Variants in TNFRSF10D observed in about 807,000 individuals in gnomAD.
The protein encoded by TNFRSF10D is tumor necrosis factor receptor superfamily member 10D.
In TNFRSF10D, 28 loss-of-function variants were observed where a neutral mutation model predicts 42.1. The observed-to-expected ratio is 0.66, with a 90% CI of 0.49 to 0.91. The LOEUF is 0.91. TNFRSF10D is among the 40% of genes least tolerant of loss of function. The pLI is 0.00. For synonymous variants in TNFRSF10D, 186 were observed against 189.4 expected, an observed-to-expected ratio of 0.98 and a Z score of 0.15; for missense variants, 503 against 486.1, an observed-to-expected ratio of 1.03 and a Z score of -0.33.
chr8:23,141,292 G>A (rs953143565), intron 7 of TNFRSF10D, among the ~76,000 whole-genome samples: 61 of 152,088 alleles, frequency 4.0e-4, no homozygotes, highest in African/African-American at 1.4e-3. Context: ...ATCACCTGAG[G>A]TTAGGAGTTC....
At chr8:23,161,619 TCTA>T (rs1307343688) in intron 1 of TNFRSF10D, among the ~76,000 whole-genome samples, 1 of 152,338 alleles carries the variant, frequency 6.6e-6, no homozygotes, top group South Asian at 2.1e-4. Flanking sequence ...CCCCCGGTCA[TCTA>T]CTCCCACTAC....
chr8:23,149,014 C>T (rs1239893015), intron 2 of TNFRSF10D, among the ~76,000 whole-genome samples: 1 of 151,268 alleles, frequency 6.6e-6, no homozygotes, highest in South Asian at 2.1e-4. Context: ...CACAGTGAAA[C>T]CCCATCTCTA....
chr8:23,158,139 G>A (rs776163556), intron 1 of TNFRSF10D, among the ~76,000 whole-genome samples: 4 of 151,248 alleles, frequency 2.6e-5, no homozygotes, highest in South Asian at 2.1e-4. Flanking sequence ...TTTTCTTTCC[G>A]TTCCTTCCTT....
chr8:23,144,909 TC>T lies in TNFRSF10D; in HGVS notation c.768+148del, dbSNP rs113394561. On this transcript the variant is annotated intron_variant, in intron 6 of 8. Coordinates refer to ENST00000312584, the MANE Select transcript of TNFRSF10D (RefSeq NM_003840.5). ...GTGTGCTGCTCAAAATGGCCGTGTG[TC>T]CCCCACAGTCAGCCCAGATCCCCCA... 2.3e-3 allele frequency: 2,822 copies of T among 1,232,330 alleles called. 10 individuals are homozygous for T. In the African/African-American group the frequency reaches 0.037, roughly 16 times the overall value. The allele number at this position is 1,232,330 out of a possible 1,614,324, so 76.3% of individuals were successfully genotyped here.
At chr8:23,140,375 G>GACACACACAC (rs71546853) in intron 7 of TNFRSF10D, among the ~76,000 whole-genome samples, 2 of 145,368 alleles carry the variant, frequency 1.4e-5, no homozygotes, top group East Asian at 2.1e-4. Flanking sequence ...ATTTACAACA[G>GACACACACAC]ACACACACAC....
At position 23,147,911 on chromosome 8, in the gene TNFRSF10D, A is replaced by C. The variant is rs1226413356; in HGVS notation, c.370+527T>G. 5.3e-5 allele frequency among the ~76,000 whole-genome samples: 8 copies of C among 152,004 alleles called. No individual in the cohort carries two copies. In the East Asian group the frequency reaches 1.5e-3, roughly 29 times the overall value. On this transcript the variant is annotated intron_variant, in intron 3 of 8. Coordinates refer to ENST00000312584, the MANE Select transcript of TNFRSF10D (RefSeq NM_003840.5). Reference sequence around the variant, plus strand: ...CCCCGTCTCTACTAAAAATACAAAAAAAAATTAGCCGGGTGTGGTGGCGGG... The same window carrying C: ...CCCCGTCTCTACTAAAAATACAAAACAAAATTAGCCGGGTGTGGTGGCGGG...
At chr8:23,140,121 CTACTAAAAA>C (rs1476691449) in intron 7 of TNFRSF10D, among the ~76,000 whole-genome samples, 1 of 152,116 alleles carries the variant, frequency 6.6e-6, no homozygotes, top group African/African-American at 2.4e-5. Context: ...AACCCCACCT[CTACTAAAAA>C]TACAAAAAAC....
intron 1 of TNFRSF10D, among the ~76,000 whole-genome samples, chr8:23,159,000 C>T (rs1800321746): frequency 6.6e-6 from 1 of 152,094 alleles, no homozygotes; most frequent in Non-Finnish European, 1.5e-5. Flanking sequence ...GCTTCTTCTG[C>T]TTTTTATCAC....
At chr8:23,139,986 A>G (rs140560264) in intron 7 of TNFRSF10D, among the ~76,000 whole-genome samples, 2,949 of 152,116 alleles carry the variant, frequency 0.019, 92 homozygotes, top group African/African-American at 0.068. Context: ...TCTACTAAAG[A>G]ATACAAAAAT....
At chr8:23,159,140 T>A (rs1800325939) in intron 1 of TNFRSF10D, among the ~76,000 whole-genome samples, 1 of 152,044 alleles carries the variant, frequency 6.6e-6, no homozygotes, top group African/African-American at 2.4e-5. Context: ...TTATTTTGGT[T>A]TTTGGTTTTG....
chr8:23,163,169 G>C (rs1279397851), intron 1 of TNFRSF10D, among the ~76,000 whole-genome samples: 2 of 142,140 alleles, frequency 1.4e-5, no homozygotes, highest in South Asian at 4.5e-4. Flanking sequence ...GCGCGATCTC[G>C]GCTCACTGCA....
At chr8:23,140,841 T>TGTGA (rs1554518193) in intron 7 of TNFRSF10D, among the ~76,000 whole-genome samples, 1 of 152,198 alleles carries the variant, frequency 6.6e-6, no homozygotes, top group Non-Finnish European at 1.5e-5. Flanking sequence ...CATGTGGAAC[T>TGTGA]GTGAGTCCAT....
chr8:23,151,922 G>A (rs968346977), intron 2 of TNFRSF10D, among the ~76,000 whole-genome samples: 3 of 152,016 alleles, frequency 2.0e-5, no homozygotes, highest in Non-Finnish European at 4.4e-5. Context: ...CTTGCCCTGG[G>A]GGGGATCCAG....
chr8:23,160,907 A>T (rs1414745878), intron 1 of TNFRSF10D, among the ~76,000 whole-genome samples: 1 of 152,256 alleles, frequency 6.6e-6, no homozygotes, highest in Admixed American at 6.5e-5. Context: ...GTGGCCCTGC[A>T]GTGCCATCGC....
In TNFRSF10D at chr8:23,148,066, CA is replaced by C. The variant is rs35108037; in HGVS notation, c.370+371del. Among the ~76,000 whole-genome samples, 334 of 49,532 alleles carry C rather than the reference CA, an allele frequency of 6.7e-3. 16 individuals carry two copies. The highest frequency in any genetic ancestry group is 0.012 in the East Asian group (20 of 1,718). 32.5% of individuals were successfully genotyped at this position (49,532 alleles called of 152,430 possible). A position where few individuals can be genotyped will look rare whatever the true frequency, so the allele number is the denominator to read the frequency against. ...GACAACAGAACGAGACTCCGTCTCC[CA>C]AAAAAAAAAAAAAAAAAAAAAAATT... On this transcript the variant is annotated intron_variant, in intron 3 of 8. Transcript: ENST00000312584.
At chr8:23,148,296 C>A in intron 3 of TNFRSF10D, 142 bp downstream of exon 3, 2 of 361,666 alleles carry the variant, frequency 5.5e-6, no homozygotes, top group African/African-American at 2.2e-5. Context: ...TTTTTTTAAT[C>A]AACTAGTCAT....
chr8:23,152,417 A>C (rs1326010164), intron 2 of TNFRSF10D, among the ~76,000 whole-genome samples: 1 of 152,234 alleles, frequency 6.6e-6, no homozygotes, highest in Non-Finnish European at 1.5e-5. Context: ...ATTGTGGAAG[A>C]CAACACCTGC....
chr8:23,156,679 C>A (rs1224387508), intron 1 of TNFRSF10D, among the ~76,000 whole-genome samples: 1 of 152,032 alleles, frequency 6.6e-6, no homozygotes, highest in Non-Finnish European at 1.5e-5. Flanking sequence ...GTCCTCCAAC[C>A]TCAGTCCCTA....
chr8:23,153,307 T>C (rs1800232523), intron 2 of TNFRSF10D, among the ~76,000 whole-genome samples: 1 of 152,196 alleles, frequency 6.6e-6, no homozygotes, highest in Non-Finnish European at 1.5e-5. Context: ...GACGTTGGTG[T>C]GGGCATTGAT....
Sources: gnomAD v4.1 joint callset for allele counts (sites outside exome capture counted in the v4.1 genomes callset) on GRCh38, gnomAD v4.1.1 for gene constraint, MANE v1.5 for transcripts, NCBI Gene and HGNC (gene_info 2026-07-23, HGNC 2026-07-21) for gene names.